NHSL1: variants seen among roughly 807,000 people sequenced by gnomAD.
The protein encoded by NHSL1 is NHS like 1.
In NHSL1, 48 loss-of-function variants were observed where a neutral mutation model predicts 95.0. The ratio of observed to expected loss-of-function variants is 0.51; its 90% CI spans 0.40 to 0.64. NHSL1 has a LOEUF of 0.64. Ranked by LOEUF, NHSL1 falls within the 30% of genes least tolerant of loss-of-function variation. The probability of loss-of-function intolerance (pLI) is 0.00; values close to 1 mark genes in which losing one functional copy is unlikely to be tolerated. For synonymous variants in NHSL1, 783 were observed against 833.9 expected (o/e 0.94, Z 1.05); for missense variants, 1,971 against 2,077.7 (o/e 0.95, Z 1.00).
chr6:138,560,954 A>C (rs375757479), intron 1 of NHSL1, among the ~76,000 whole-genome samples: 26 of 152,370 alleles, frequency 1.7e-4, no homozygotes, highest in African/African-American at 5.3e-4. Flanking sequence ...TTTATGGAAA[A>C]GACAAAACTC....
At chr6:138,478,225 C>T (rs1428438201) in intron 2 of NHSL1, among the ~76,000 whole-genome samples, 3 of 151,830 alleles carry the variant, frequency 2.0e-5, no homozygotes, top group Non-Finnish European at 4.4e-5. Flanking sequence ...AGGTGATCTG[C>T]CTGCCTTGGC....
At chr6:138,500,632 CA>C (rs1780623648), upstream of NHSL1, among the ~76,000 whole-genome samples, 1 of 152,110 alleles carries the variant, frequency 6.6e-6, no homozygotes. Flanking sequence ...GGCTCTTAGT[CA>C]AAGAATAAAA....
At chr6:138,580,194 T>C (rs1784031693) in intron 1 of NHSL1, among the ~76,000 whole-genome samples, 1 of 152,174 alleles carries the variant, frequency 6.6e-6, no homozygotes, top group Admixed American at 6.5e-5. Context: ...AGAGCCCAGT[T>C]ACAGGGATCA....
chr6:138,573,121 G>C (rs548531024), upstream of NHSL1, among the ~76,000 whole-genome samples: 4 of 152,262 alleles, frequency 2.6e-5, no homozygotes, highest in East Asian at 7.7e-4. Context: ...CTCCAACCTT[G>C]AATGATCATC....
At chr6:138,515,641 C>A (rs910455705) in intron 1 of NHSL1, among the ~76,000 whole-genome samples, 4 of 152,192 alleles carry the variant, frequency 2.6e-5, no homozygotes, top group Non-Finnish European at 5.9e-5. Flanking sequence ...AATAAACTAT[C>A]TATTTCTTGT....
chr6:138,469,143 C>T (rs973105491), intron 3 of NHSL1, among the ~76,000 whole-genome samples: 44 of 151,990 alleles, frequency 2.9e-4, no homozygotes, highest in African/African-American at 1.1e-3. Flanking sequence ...GCAGGAAGGG[C>T]CATGAAGATT....
intron 1 of NHSL1, among the ~76,000 whole-genome samples, chr6:138,519,196 T>C (rs1171221985): frequency 5.3e-5 from 8 of 152,022 alleles, no homozygotes; most frequent in Non-Finnish European, 7.4e-5. Context: ...CCTTACCATG[T>C]GTATAGTAAC....
upstream of NHSL1, among the ~76,000 whole-genome samples, chr6:138,501,560 C>T (rs939029001): frequency 3.3e-5 from 5 of 152,170 alleles, no homozygotes; most frequent in African/African-American, 1.2e-4. Flanking sequence ...ATCTCACTGG[C>T]TCTCATTTTA....
rs372602400 is a variant in NHSL1 at position 138,525,020 on chromosome 6, G to A, written c.16+20603C>T. On this transcript the variant is annotated intron_variant, in intron 1 of 4. Transcript: ENST00000342260. The stretch of plus-strand genomic sequence containing the variant: ...GGATATGTGTAAGTGGCAAATGGGC[G>A]GCTACGAACCATGATGGAGACAGAG... Among the ~76,000 whole-genome samples, 84 of 152,200 alleles carry A rather than the reference G, an allele frequency of 5.5e-4. 2 individuals carry two copies. In the South Asian group the frequency reaches 9.1e-3, roughly 17 times the overall value.
At chr6:138,504,655 T>C (rs2128294611) in intron 1 of NHSL1, among the ~76,000 whole-genome samples, 1 of 152,190 alleles carries the variant, frequency 6.6e-6, no homozygotes, top group Non-Finnish European at 1.5e-5. Context: ...GAGTGGTAGG[T>C]GGTGGCAAGG....
At chr6:138,668,626 CTTTT>C (rs1231203513) in intron 1 of NHSL1, among the ~76,000 whole-genome samples, 2 of 130,406 alleles carry the variant, frequency 1.5e-5, no homozygotes. Flanking sequence ...ATTTTTTTTT[CTTTT>C]TTTTTTTTTT....
chr6:138,437,440 AC>A (rs1313548674), intron 5 of NHSL1, among the ~76,000 whole-genome samples: 6,315 of 41,466 alleles, frequency 0.15, 1,365 homozygotes, highest in East Asian at 0.37. Context: ...ACACACACAC[AC>A]ACACAAAAAA....
At chr6:138,554,156 CTAACA>C (rs925543442) in intron 1 of NHSL1, among the ~76,000 whole-genome samples, 1 of 152,114 alleles carries the variant, frequency 6.6e-6, no homozygotes, top group Admixed American at 6.5e-5. Flanking sequence ...GCCACTATGC[CTAACA>C]TATGTGTATT....
intron 1 of NHSL1, among the ~76,000 whole-genome samples, chr6:138,523,723 A>T (rs930441239): frequency 2.0e-5 from 3 of 151,872 alleles, no homozygotes; most frequent in African/African-American, 4.8e-5. Flanking sequence ...TTTTACTGAC[A>T]TGAAATGATT....
chr6:138,590,984 T>G (rs1355223163), intron 1 of NHSL1, among the ~76,000 whole-genome samples: 1 of 152,226 alleles, frequency 6.6e-6, no homozygotes, highest in South Asian at 2.1e-4. Context: ...GTTCTAATCC[T>G]GATTTCAGCA....
chr6:138,453,671 C>T (rs1366079663), intron 3 of NHSL1, among the ~76,000 whole-genome samples: 6 of 152,082 alleles, frequency 3.9e-5, no homozygotes, highest in South Asian at 2.1e-4. Flanking sequence ...CTCAGCCTCC[C>T]GAGTAACTAG....
In NHSL1 at chr6:138,442,081, C is replaced by T. The variant is rs759564075; in HGVS notation, c.566G>A (p.Arg189Gln). The T allele has an allele frequency of 3.1e-5, 48 of 1,550,386 alleles. No individual in the cohort carries two copies. Among genetic ancestry groups the T allele is most frequent in the African/African-American group, 1.8e-4 (13 of 72,952 alleles). Reference sequence around the variant, plus strand: ...CAGAGTGTCTGTGTAAATTAGAGACCGCCGAAGGCTGGCCTGGCGATCGAA... The same window carrying T: ...CAGAGTGTCTGTGTAAATTAGAGACTGCCGAAGGCTGGCCTGGCGATCGAA... Reference protein sequence around the residue: ...ENFDRQASLRRSLIYTDTLVR... With the variant: ...ENFDRQASLRQSLIYTDTLVR... The change falls in exon 5 of 8, where the codon CGG (arginine) becomes CAG (glutamine). Residue 189 changes from arginine to glutamine, a missense_variant. Physicochemically the swap from Arg to Gln is conservative, Grantham distance 43. Transcript: ENST00000343505.
chr6:138,559,276 A>G (rs1043052995), intron 1 of NHSL1, among the ~76,000 whole-genome samples: 9 of 152,210 alleles, frequency 5.9e-5, no homozygotes, highest in Non-Finnish European at 1.3e-4. Flanking sequence ...ATTGCTATTC[A>G]TGGGCTTTCC....
intron 1 of NHSL1, among the ~76,000 whole-genome samples, chr6:138,505,820 C>A (rs1780932464): frequency 6.6e-6 from 1 of 152,096 alleles, no homozygotes; most frequent in South Asian, 2.1e-4. Context: ...GAATTTAGCT[C>A]TTCAAACAGA....
Sources: allele counts gnomAD v4.1 joint callset (sites outside exome capture counted in the v4.1 genomes callset), GRCh38; gene constraint gnomAD v4.1.1; transcripts MANE v1.5; gene names NCBI Gene and HGNC (gene_info 2026-07-23, HGNC 2026-07-21).